Variants in NCKAP5 observed in about 807,000 individuals in gnomAD.
The protein encoded by NCKAP5 is nck-associated protein 5.
A neutral mutation model predicts 167.0 loss-of-function variants in NCKAP5; 92 were observed. The observed-to-expected ratio is 0.55, with a 90% CI of 0.47 to 0.66. NCKAP5 has a LOEUF of 0.66. NCKAP5 is among the 30% of genes least tolerant of loss of function. The pLI, the probability that NCKAP5 is intolerant of heterozygous loss-of-function variation, is 0.00. For missense variants in NCKAP5, 2,378 were observed against 2,315.0 expected, an observed-to-expected ratio of 1.03 and a Z score of -0.56; for synonymous variants, 891 against 877.4, an observed-to-expected ratio of 1.02 and a Z score of -0.27.
intron 11 of NCKAP5, among the ~76,000 whole-genome samples, chr2:132,804,948 C>A (rs190567766): frequency 4.6e-5 from 7 of 152,022 alleles, no homozygotes; most frequent in Admixed American, 4.6e-4. Context: ...GTGATAACAT[C>A]ATTGCTATCT....
At chr2:132,745,405 A>C (rs78400360) in intron 16 of NCKAP5, among the ~76,000 whole-genome samples, 1 of 151,254 alleles carries the variant, frequency 6.6e-6, no homozygotes, top group Non-Finnish European at 1.5e-5. Context: ...CAAAAAAAAA[A>C]CAGACACAGC....
chr2:133,242,272 C>A (rs1294836974), intron 4 of NCKAP5, among the ~76,000 whole-genome samples: 1 of 142,234 alleles, frequency 7.0e-6, no homozygotes. Flanking sequence ...TTTTTTTTAA[C>A]TGAGAGAACA....
At chr2:133,328,073 A>G (rs921340218) in intron 3 of NCKAP5, among the ~76,000 whole-genome samples, 1 of 152,158 alleles carries the variant, frequency 6.6e-6, no homozygotes, top group African/African-American at 2.4e-5. Flanking sequence ...CTCTCTACCA[A>G]CGTTGGGCCC....
chr2:132,723,736 G>A (rs1230118040), intron 19 of NCKAP5, among the ~76,000 whole-genome samples: 2 of 152,190 alleles, frequency 1.3e-5, no homozygotes, highest in Non-Finnish European at 2.9e-5. Context: ...CACTTAGCCA[G>A]TGCTGGTCAC....
chr2:133,439,834 A>G (rs750115930), intron 3 of NCKAP5, among the ~76,000 whole-genome samples: 3 of 152,204 alleles, frequency 2.0e-5, no homozygotes, highest in Non-Finnish European at 2.9e-5. Context: ...CCATGGAACC[A>G]TGTTTTATGG....
At chr2:132,746,508 A>C (rs1479534097) in intron 16 of NCKAP5, among the ~76,000 whole-genome samples, 1 of 152,124 alleles carries the variant, frequency 6.6e-6, no homozygotes, top group Non-Finnish European at 1.5e-5. Flanking sequence ...AGAAAACATG[A>C]ACCATAAAAT....
rs575245160 is a variant in NCKAP5 at position 133,060,930 on chromosome 2, C to T, written c.342-66691G>A. Among the ~76,000 whole-genome samples, 7 of 152,076 alleles carry T rather than the reference C, an allele frequency of 4.6e-5. No homozygotes were observed. In the South Asian group the frequency reaches 1.2e-3, roughly 27 times the overall value. On this transcript the variant is annotated intron_variant, in intron 6 of 19. Coordinates refer to ENST00000409261, the MANE Select transcript of NCKAP5 (RefSeq NM_207363.3). ...GAGCTTATAGGCCTTCTGATGAATC[C>T]ATCCTCTACAAGCTATGGGGACGGC... is the stretch of plus-strand genomic sequence containing the variant.
At chr2:133,116,556 TAATA>T (rs1422929633) in intron 6 of NCKAP5, among the ~76,000 whole-genome samples, 3 of 149,032 alleles carry the variant, frequency 2.0e-5, no homozygotes, top group Admixed American at 2.0e-4. Context: ...CTCAAGCAAT[TAATA>T]AATACACTGA....
intron 12 of NCKAP5, among the ~76,000 whole-genome samples, chr2:132,795,848 CAA>C (rs1684557988): frequency 8.7e-6 from 1 of 115,414 alleles, no homozygotes; most frequent in African/African-American, 2.9e-5. Flanking sequence ...ACAAAAAAAA[CAA>C]AAGAGAATGA....
intron 4 of NCKAP5, among the ~76,000 whole-genome samples, chr2:133,287,123 A>C (rs1679201694): frequency 6.6e-6 from 1 of 152,226 alleles, no homozygotes; most frequent in Non-Finnish European, 1.5e-5. Context: ...TCTTCTCCAC[A>C]AGACAACTCA....
At chr2:133,552,934 T>C (rs1575149032) in intron 2 of NCKAP5, among the ~76,000 whole-genome samples, 1 of 152,304 alleles carries the variant, frequency 6.6e-6, no homozygotes, top group Non-Finnish European at 1.5e-5. Context: ...GATGAGGGCA[T>C]GAAGCAAGTA....
At chr2:133,405,256 G>T (rs887351335) in intron 3 of NCKAP5, among the ~76,000 whole-genome samples, 13 of 152,172 alleles carry the variant, frequency 8.5e-5, no homozygotes, top group Non-Finnish European at 1.6e-4. Context: ...AGCATAGAAA[G>T]TTCATTTATT....
At chr2:132,931,073 A>C (rs1425754066) in intron 8 of NCKAP5, 1 of 152,232 alleles carries the variant, frequency 6.6e-6, no homozygotes, top group Non-Finnish European at 1.5e-5. Flanking sequence ...AATGCTTTCC[A>C]TCCTCTGGCT....
chr2:132,701,673 G>A (rs897487572), intron 19 of NCKAP5, among the ~76,000 whole-genome samples: 1 of 152,154 alleles, frequency 6.6e-6, no homozygotes, highest in Admixed American at 6.6e-5. Context: ...ATAAAGAGAT[G>A]CTAGGTGCTG....
intron 5 of NCKAP5, among the ~76,000 whole-genome samples, chr2:133,177,426 G>A (rs1319885266): frequency 2.0e-5 from 3 of 152,042 alleles, no homozygotes; most frequent in African/African-American, 4.8e-5. Context: ...ATCCAGTAAT[G>A]TACTGTCCAA....
chr2:133,215,477 C>A (rs6745585), intron 4 of NCKAP5, among the ~76,000 whole-genome samples: 1 of 151,902 alleles, frequency 6.6e-6, no homozygotes, highest in African/African-American at 2.4e-5. Flanking sequence ...CCACTCTGAG[C>A]TCTAAACTGA....
chr2:133,531,304 A>G (rs1181194207), intron 2 of NCKAP5, among the ~76,000 whole-genome samples: 1 of 152,172 alleles, frequency 6.6e-6, no homozygotes, highest in Non-Finnish European at 1.5e-5. Flanking sequence ...TATTGAATTA[A>G]TAAGCTAATT....
chr2:133,415,322 A>G lies in NCKAP5; in HGVS notation c.69+102136T>C, dbSNP rs139221908. On this transcript the variant is annotated intron_variant, in intron 3 of 19. Coordinates refer to ENST00000409261, the MANE Select transcript of NCKAP5 (RefSeq NM_207363.3). ...GAAAATTAAATTATTAATGTGAGAT[A>G]CTTACTCTACTGTATTGAAAGTAAT... is the stretch of plus-strand genomic sequence containing the variant. Among the ~76,000 whole-genome samples, 631 of 152,400 alleles carry G rather than the reference A, an allele frequency of 4.1e-3. 4 individuals are homozygous for G. The highest frequency in any genetic ancestry group is 0.017 in the Middle Eastern group (5 of 294).
chr2:133,594,850 C>T, the NCKAP5 span, among the ~76,000 whole-genome samples: 4 of 151,224 alleles, frequency 2.6e-5, no homozygotes, highest in South Asian at 8.6e-4. Context: ...CAGGACACTG[C>T]TGAGTTGCTG....
Sources: gnomAD v4.1 joint callset for allele counts (sites outside exome capture counted in the v4.1 genomes callset) on GRCh38, gnomAD v4.1.1 for gene constraint, MANE v1.5 for transcripts, NCBI Gene and HGNC (gene_info 2026-07-23, HGNC 2026-07-21) for gene names.